The following MED12L variants were observed in gnomAD, a reference collection of about 807,000 sequenced individuals.
The protein encoded by MED12L is mediator of RNA polymerase II transcription subunit 12-like protein.
MED12L carries 60 observed loss-of-function variants against 281.3 expected under a neutral mutation model. The ratio of observed to expected loss-of-function variants is 0.21; its 90% CI spans 0.17 to 0.26. The LOEUF (loss-of-function observed/expected upper bound fraction) is 0.26, where lower values mean the gene tolerates loss of function less well. MED12L is among the 10% of genes least tolerant of loss of function. MED12L has a pLI of 1.00. For missense variants in MED12L, 2,146 were observed against 2,680.9 expected (o/e 0.80, Z 4.41); for synonymous variants, 974 against 987.2 (o/e 0.99, Z 0.25).
intron 4 of MED12L, among the ~76,000 whole-genome samples, chr3:151,126,393 G>T (rs1349097269): frequency 1.3e-5 from 2 of 152,226 alleles, no homozygotes; most frequent in East Asian, 3.9e-4. Flanking sequence ...CTTCAGCATT[G>T]AAAAGCTTTA....
In MED12L at chr3:151,304,135, G is replaced by A. The variant is rs563927087; in HGVS notation, c.2251-45924G>A. ...CAGAGGGTTGAGTAATGATTGTAAG[G>A]TGAGGAAGTGGAGGCAGCAATCTCA... is the stretch of plus-strand genomic sequence containing the variant. On this transcript the variant is annotated intron_variant, in intron 16 of 44. Transcript: ENST00000687756. 1.3e-4 allele frequency among the ~76,000 whole-genome samples: 20 copies of A among 152,262 alleles called. No individual in the cohort carries two copies. In the East Asian group the frequency reaches 3.7e-3, roughly 28 times the overall value.
chr3:151,295,032 T>A (rs1264357523), intron 16 of MED12L: 8 of 1,613,448 alleles, frequency 5.0e-6, no homozygotes, highest in Non-Finnish European at 6.8e-6. Context: ...CTGGTTTTAT[T>A]CCTAATGTGG....
rs780477952 is a variant in MED12L at position 151,377,148 on chromosome 3, C to T, written c.4286C>T (p.Thr1429Met). Residue 1429 changes from threonine (T) to methionine (M), a missense_variant, in exon 30 of 45, where the codon ACG (threonine) becomes ATG (methionine). Transcript: ENST00000687756. ...NSIGSADTSSTRQNGIKTFLS... is the reference protein window; with the variant it reads ...NSIGSADTSSMRQNGIKTFLS... ...ATTGGAAGTGCTGATACAAGTAGCA[C>T]GAGACAGAATGGAATAAAGACATTC... 3.5e-5 allele frequency: 56 copies of T among 1,613,350 alleles called. No individual in the cohort carries two copies. Among genetic ancestry groups the T allele is most frequent in the African/African-American group, 5.3e-5 (4 of 74,870 alleles).
At chr3:151,131,852 G>C (rs1385496803) in intron 5 of MED12L, among the ~76,000 whole-genome samples, 2 of 151,584 alleles carry the variant, frequency 1.3e-5, no homozygotes, top group Non-Finnish European at 2.9e-5. Flanking sequence ...GGACTTTGGA[G>C]GGTTATTTTT....
intron 16 of MED12L, among the ~76,000 whole-genome samples, chr3:151,276,746 T>C (rs1029007640): frequency 1.3e-5 from 2 of 152,178 alleles, no homozygotes; most frequent in Non-Finnish European, 2.9e-5. Context: ...TTGCTCAGGA[T>C]AGTCACACCC....
chr3:151,215,765 G>A (rs1310814371), intron 16 of MED12L, among the ~76,000 whole-genome samples: 1 of 152,168 alleles, frequency 6.6e-6, no homozygotes. Flanking sequence ...TCAGGAGAAT[G>A]CCCTAAGTCT....
At chr3:151,225,204 A>G (rs1195527172) in intron 16 of MED12L, among the ~76,000 whole-genome samples, 1 of 152,124 alleles carries the variant, frequency 6.6e-6, no homozygotes, top group African/African-American at 2.4e-5. Context: ...TCGACTTCAC[A>G]GAAGTTGCTG....
chr3:151,185,234 C>A, intron 11 of MED12L, 96 bp from the exon 12 acceptor site: 1 of 1,215,226 alleles, frequency 8.2e-7, no homozygotes, highest in Non-Finnish European at 1.1e-6. Context: ...TGGAAAAAAG[C>A]TTTAAAGTGT....
At chr3:151,210,494 A>G (rs910468413) in intron 16 of MED12L, among the ~76,000 whole-genome samples, 6 of 152,208 alleles carry the variant, frequency 3.9e-5, no homozygotes, top group Non-Finnish European at 8.8e-5. Flanking sequence ...TGATCTTTCT[A>G]TGATCTGTTT....
At chr3:151,219,362 T>G (rs185301258) in intron 16 of MED12L, among the ~76,000 whole-genome samples, 9 of 152,336 alleles carry the variant, frequency 5.9e-5, no homozygotes, top group Admixed American at 3.3e-4. Context: ...CTGAGTTCAT[T>G]ACTCATCTGT....
chr3:151,297,017 TC>T (rs1420059457), intron 16 of MED12L, among the ~76,000 whole-genome samples: 1 of 152,136 alleles, frequency 6.6e-6, no homozygotes, highest in Non-Finnish European at 1.5e-5. Flanking sequence ...TGCAGGCTCT[TC>T]CTAATTCTTT....
At chr3:151,111,503 G>A (rs115554041) in intron 2 of MED12L, among the ~76,000 whole-genome samples, 32 of 152,236 alleles carry the variant, frequency 2.1e-4, no homozygotes, top group African/African-American at 7.0e-4. Context: ...GTTTAAATTC[G>A]AGCTGTCTGA....
At chr3:151,164,215 A>G (rs1000893091) in intron 9 of MED12L, among the ~76,000 whole-genome samples, 173 bp downstream of exon 9, 3 of 152,192 alleles carry the variant, frequency 2.0e-5, no homozygotes, top group Admixed American at 6.5e-5. Flanking sequence ...AACCACTGAA[A>G]TTCTCGAAGT....
chr3:151,156,214 G>A lies in MED12L; in HGVS notation c.610G>A (p.Asp204Asn), dbSNP rs1719256717. The A allele has an allele frequency of 6.2e-7, 1 of 1,613,300 alleles. No individual in the cohort carries two copies. The highest frequency in any genetic ancestry group is 8.5e-7 in the Non-Finnish European group (1 of 1,179,722). Residue 204 changes from aspartate to asparagine, a missense_variant, in exon 6 of 45, where the codon GAC becomes AAC. Coordinates refer to ENST00000687756, the MANE Select transcript of MED12L (RefSeq NM_001393769.1). ...YLREQLAKIS[D>N]FYHMASSTGD... is the part of the protein sequence containing the mutation. ...TCGAGAGCAGTTGGCCAAGATTTCT[G>A]ACTTTTACCACATGGCCTCCAGCAC...
chr3:151,096,659 G>C (rs74453388), intron 2 of MED12L, among the ~76,000 whole-genome samples: 2,243 of 152,286 alleles, frequency 0.015, 34 homozygotes, highest in South Asian at 0.06. Context: ...GCTATTTTGG[G>C]GGGGGAAGCC....
chr3:151,306,623 C>T (rs6440734), intron 16 of MED12L, among the ~76,000 whole-genome samples: 8,713 of 152,268 alleles, frequency 0.057, 850 homozygotes, highest in African/African-American at 0.2. Flanking sequence ...CCTGCTGTTG[C>T]AGTTCACTGG....
At chr3:151,324,652 G>T (rs1749371164) in intron 16 of MED12L, among the ~76,000 whole-genome samples, 4 of 152,128 alleles carry the variant, frequency 2.6e-5, no homozygotes, top group African/African-American at 9.7e-5. Context: ...GCATTTCATA[G>T]CCTGCCTGGG....
intron 11 of MED12L, among the ~76,000 whole-genome samples, chr3:151,179,616 A>G (rs34478148): frequency 0.063 from 9,586 of 152,252 alleles, 338 homozygotes; most frequent in South Asian, 0.1. Flanking sequence ...GGAAGAAGGA[A>G]AGCATGGTGA....
intron 17 of MED12L, among the ~76,000 whole-genome samples, chr3:151,354,832 A>T (rs1753713105): frequency 6.6e-6 from 1 of 152,188 alleles, no homozygotes; most frequent in Admixed American, 6.5e-5. Flanking sequence ...ATACTATATG[A>T]TTTCCTTTAT....
Sources: allele counts gnomAD v4.1 joint callset (sites outside exome capture counted in the v4.1 genomes callset), GRCh38; gene constraint gnomAD v4.1.1; transcripts MANE v1.5; gene names NCBI Gene and HGNC (gene_info 2026-07-23, HGNC 2026-07-21).